ACSS3: variants seen among roughly 807,000 people sequenced by gnomAD.
ACSS3 encodes acyl-CoA synthetase short chain family member 3, also known as acyl-CoA synthetase short-chain family member 3, mitochondrial.
A neutral mutation model predicts 84.2 loss-of-function variants in ACSS3; 64 were observed. That is an observed-to-expected ratio of 0.76 (90% CI 0.62 to 0.94). The LOEUF is 0.94. Ranked by LOEUF, ACSS3 falls within the 40% of genes least tolerant of loss-of-function variation. The pLI is 0.00. For missense variants in ACSS3, 815 were observed against 867.6 expected (o/e 0.94, Z 0.76); for synonymous variants, 317 against 310.1 (o/e 1.02, Z -0.23).
At chr12:81,203,993 A>AG (rs573106999) in intron 9 of ACSS3, among the ~76,000 whole-genome samples, 5 of 152,202 alleles carry the variant, frequency 3.3e-5, no homozygotes, top group Non-Finnish European at 7.3e-5. Context: ...GCCAAAAAAA[A>AG]GAAATGAACA....
chr12:81,200,771 C>T lies in ACSS3; in HGVS notation c.1354+1327C>T, dbSNP rs781557174. Among the ~76,000 whole-genome samples, 8 of 151,182 alleles carry T rather than the reference C, an allele frequency of 5.3e-5. No homozygotes were observed. In the East Asian group the frequency reaches 5.9e-4, roughly 11 times the overall value. On this transcript the variant is annotated intron_variant, in intron 9 of 15. Coordinates refer to ENST00000548058, the MANE Select transcript of ACSS3 (RefSeq NM_024560.4). ...AAAAAATTAGCCAGGCGTGATGGAG[C>T]GTGCCTGTAATCTCAGCTACTCGGG...
chr12:81,222,816 G>T (rs2033154569), intron 11 of ACSS3, among the ~76,000 whole-genome samples: 1 of 151,884 alleles, frequency 6.6e-6, no homozygotes, highest in Non-Finnish European at 1.5e-5. Flanking sequence ...AAGGAATCCT[G>T]CAATTTTAGT....
chr12:81,110,919 A>C (rs1205169448), intron 2 of ACSS3, among the ~76,000 whole-genome samples: 1 of 151,906 alleles, frequency 6.6e-6, no homozygotes, highest in East Asian at 1.9e-4. Flanking sequence ...AGTTTCATCA[A>C]CTCTCCCTGA....
intron 1 of ACSS3, among the ~76,000 whole-genome samples, chr12:81,106,609 T>G (rs1265151643): frequency 1.3e-5 from 2 of 152,160 alleles, no homozygotes; most frequent in Non-Finnish European, 2.9e-5. Flanking sequence ...ACTGCTGATC[T>G]AGAGGTATAT....
chr12:81,206,172 C>T (rs1384905562), intron 9 of ACSS3, among the ~76,000 whole-genome samples: 2 of 152,084 alleles, frequency 1.3e-5, no homozygotes, highest in Non-Finnish European at 2.9e-5. Context: ...TTGTTATTCT[C>T]TGCTTCTGTA....
At chr12:81,120,488 T>C (rs928944781) in intron 2 of ACSS3, among the ~76,000 whole-genome samples, 2 of 152,174 alleles carry the variant, frequency 1.3e-5, no homozygotes, top group African/African-American at 4.8e-5. Flanking sequence ...TCTAGCACAA[T>C]TTTCATAACA....
At position 81,151,849 on chromosome 12, in the gene ACSS3, G is replaced by C; in HGVS notation, c.927G>C (p.Val309=). The part of the protein sequence containing the change: ...TSGTTGLPKG[V]IRPTGGYAVM... ...TTCACTTTTTCTCTCCTTAGGGTGT[G>C]ATTAGGCCCACTGGGGGATACGCTG... Residue 309 remains valine, a synonymous_variant, in exon 6 of 16, where the codon GTG becomes GTC. Coordinates refer to ENST00000548058, the MANE Select transcript of ACSS3 (RefSeq NM_024560.4). The C allele has an allele frequency of 6.2e-7, 1 of 1,613,462 alleles. No individual in the cohort carries two copies. The highest frequency in any genetic ancestry group is 8.5e-7 in the Non-Finnish European group (1 of 1,179,630).
intron 10 of ACSS3, among the ~76,000 whole-genome samples, chr12:81,218,203 A>C (rs1319656169): frequency 6.6e-6 from 1 of 152,218 alleles, no homozygotes; most frequent in Non-Finnish European, 1.5e-5. Context: ...CTAATATTTC[A>C]GAAAAGTCAG....
At chr12:81,099,641 G>A (rs1174579746) in intron 1 of ACSS3, among the ~76,000 whole-genome samples, 2 of 152,150 alleles carry the variant, frequency 1.3e-5, no homozygotes, top group Admixed American at 6.5e-5. Context: ...ACTTTCTGTA[G>A]CTCAGTAACC....
intron 1 of ACSS3, among the ~76,000 whole-genome samples, chr12:81,099,788 AT>A (rs894307724): frequency 5.3e-5 from 8 of 152,114 alleles, no homozygotes; most frequent in African/African-American, 1.7e-4. Flanking sequence ...TAAATTAAAA[AT>A]TTTTAGCTCT....
Position 81,259,830 on chromosome 12 carries a change from C to G in ACSS3, c.*4908C>G. The G allele has an allele frequency of 2.2e-6, 1 of 464,520 alleles. No individual in the cohort carries two copies. The highest frequency in any genetic ancestry group is 3.7e-6 in the Non-Finnish European group (1 of 270,766). The allele number at this position is 464,520 out of a possible 1,614,324, so 28.8% of individuals were successfully genotyped here. ...AACAGCCGTATGTAATTAACATTTG[C>G]TTTTCTCCAATTTGGTGCAGGGGAG... On this transcript the variant is annotated 3_prime_UTR_variant, in exon 16 of 16. Transcript: ENST00000548058.
intron 7 of ACSS3, among the ~76,000 whole-genome samples, chr12:81,170,134 T>C (rs1237239636): frequency 6.6e-6 from 1 of 152,078 alleles, no homozygotes; most frequent in African/African-American, 2.4e-5. Context: ...ATAAAGCAAA[T>C]TTTTTTGCCC....
chr12:81,249,413 G>C (rs1172137395), intron 13 of ACSS3, among the ~76,000 whole-genome samples: 2 of 151,992 alleles, frequency 1.3e-5, no homozygotes, highest in African/African-American at 4.8e-5. Context: ...TGGGAACTTG[G>C]AAATCTGGTG....
At chr12:81,137,455 G>GAT (rs939686145) in intron 3 of ACSS3, among the ~76,000 whole-genome samples, 1 of 151,872 alleles carries the variant, frequency 6.6e-6, no homozygotes, top group Non-Finnish European at 1.5e-5. Context: ...AGAAGATGGA[G>GAT]ATATATATAT....
intron 8 of ACSS3, among the ~76,000 whole-genome samples, chr12:81,187,573 T>C (rs1315125242): frequency 6.6e-6 from 1 of 151,926 alleles, no homozygotes; most frequent in Non-Finnish European, 1.5e-5. Flanking sequence ...GCTCTCATTA[T>C]TACTAAATCA....
chr12:81,232,810 C>A (rs1565735012), intron 12 of ACSS3, among the ~76,000 whole-genome samples: 1 of 151,524 alleles, frequency 6.6e-6, no homozygotes, highest in Non-Finnish European at 1.5e-5. Flanking sequence ...TCTTATTATT[C>A]TTATTCTACT....
At chr12:81,213,920 C>CCTTT (rs2032768446) in intron 9 of ACSS3, among the ~76,000 whole-genome samples, 1 of 94,630 alleles carries the variant, frequency 1.1e-5, no homozygotes, top group Non-Finnish European at 2.1e-5. Flanking sequence ...TTCCTTCCTT[C>CCTTT]CTTCCTTCCT....
chr12:81,157,697 C>T (rs1486769561), intron 7 of ACSS3, among the ~76,000 whole-genome samples: 2 of 151,998 alleles, frequency 1.3e-5, no homozygotes, highest in East Asian at 1.9e-4. Flanking sequence ...GTCCCAGCTA[C>T]TCGGGAGGCT....
chr12:81,220,655 T>C (rs1921063), intron 11 of ACSS3, among the ~76,000 whole-genome samples: 1 of 151,940 alleles, frequency 6.6e-6, no homozygotes, highest in Non-Finnish European at 1.5e-5. Context: ...TGTGTACCCA[T>C]TATTTAGCTC....
Sources: gnomAD v4.1 joint callset for allele counts (sites outside exome capture counted in the v4.1 genomes callset) on GRCh38, gnomAD v4.1.1 for gene constraint, MANE v1.5 for transcripts, NCBI Gene and HGNC (gene_info 2026-07-23, HGNC 2026-07-21) for gene names.